Variants in TET2 observed in about 807,000 individuals in gnomAD.
TET2 encodes the protein tet methylcytosine dioxygenase 2.
Under a neutral mutation model 142.9 loss-of-function variants are expected in TET2, and 299 were observed. That is an observed-to-expected ratio of 2.09 (90% CI 1.90 to 2.30). The LOEUF is 2.30. Among genes scored for constraint, TET2 ranks in the 30% most tolerant of loss-of-function variants. The pLI is 0.00. For synonymous variants in TET2, 819 were observed against 849.0 expected, an observed-to-expected ratio of 0.96 and a Z score of 0.61; for missense variants, 2,418 against 2,378.0, an observed-to-expected ratio of 1.02 and a Z score of -0.35.
At chr4:105,160,334 A>T (rs1041050658) in intron 1 of TET2, among the ~76,000 whole-genome samples, 17 of 151,088 alleles carry the variant, frequency 1.1e-4, no homozygotes, top group Non-Finnish European at 1.8e-4. Context: ...AAGTTGAAAT[A>T]AAAAAAAAGG....
Position 105,236,149 on chromosome 4 carries a change from C to T in TET2, c.2207C>T (p.Ser736Leu). The change falls in exon 3 of 11, where the codon TCA (serine) becomes TTA (leucine). Residue 736 changes from serine (S) to leucine (L), a missense_variant. Ser to Leu is a moderately radical substitution (Grantham distance 145, BLOSUM62 -2). Transcript: ENST00000380013. ...GCACAAACACAACCATCCCAGAGTT[C>T]ACATCTCCCTCAAAACCAGCAACAG... ...QAAQTQPSQS[S>L]HLPQNQQQQQ... The T allele has an allele frequency of 8.1e-6, 13 of 1,614,084 alleles. No homozygotes were observed. Among genetic ancestry groups the T allele is most frequent in the Non-Finnish European group, 1.0e-5 (12 of 1,179,994 alleles).
chr4:105,147,464 GT>G (rs912001515), intron 1 of TET2: 20 of 152,390 alleles, frequency 1.3e-4, no homozygotes, highest in African/African-American at 4.8e-4. Context: ...TTTATCAGCT[GT>G]AGGGTCTGGG....
chr4:105,278,203 T>TATATATATATAGA lies in TET2; in HGVS notation c.*1684_*1685insATATATATATAGA, dbSNP rs1553918861. ...ATATATATATATATATATATATATA[T>TATATATATATAGA]GAGTTTGAAGCAGAATTCACATCAT... On this transcript the variant is annotated 3_prime_UTR_variant, in exon 11 of 11. Coordinates refer to ENST00000380013, the MANE Select transcript of TET2 (RefSeq NM_001127208.3). 2.5e-5 allele frequency: 4 copies of TATATATATATAGA among 159,030 alleles called. No homozygotes were observed. The highest frequency in any genetic ancestry group is 1.4e-4 in the Admixed American group (2 of 14,232). The allele number at this position is 159,030 out of a possible 1,614,324, so 9.9% of individuals were successfully genotyped here.
Position 105,234,951 on chromosome 4 carries a change from G to GTT in TET2, c.1009_1010insTT (p.Glu337ValfsTer11). ...TTTTGAGATATGCCCATCTCCTGCA[G>GTT]AAAATAACATCCAGGGAACCACAAA... On this transcript the variant is annotated frameshift_variant, in exon 3 of 11. Transcript: ENST00000380013. LOFTEE classifies it high-confidence loss of function. 1 of 1,614,004 alleles carries GTT rather than the reference G, an allele frequency of 6.2e-7. No homozygotes were observed. Among genetic ancestry groups the GTT allele is most frequent in the Non-Finnish European group, 8.5e-7 (1 of 1,179,988 alleles).
intron 3 of TET2, chr4:105,240,702 C>A: frequency 9.3e-7 from 1 of 1,080,446 alleles, no homozygotes. Context: ...CCACCCCTAT[C>A]TTCCCACTTT....
chr4:105,183,644 G>T (rs568323283), intron 1 of TET2, among the ~76,000 whole-genome samples: 13 of 152,192 alleles, frequency 8.5e-5, no homozygotes, highest in Non-Finnish European at 1.5e-4. Flanking sequence ...TTTATACTTT[G>T]TTATCTCTTC....
In TET2 at chr4:105,269,739, A is replaced by G; in HGVS notation, c.4174A>G (p.Ser1392Gly). The G allele has an allele frequency of 1.9e-6, 3 of 1,551,662 alleles. No individual in the cohort carries two copies. Among genetic ancestry groups the G allele is most frequent in the Non-Finnish European group, 2.6e-6 (3 of 1,146,936 alleles). The change falls in exon 9 of 11, where the codon AGC becomes GGC. Residue 1392 changes from serine (S) to glycine (G), a missense_variant. Coordinates refer to ENST00000380013, the MANE Select transcript of TET2 (RefSeq NM_001127208.3). Reference sequence around the variant, plus strand: ...AGACTTGCACAACATGCAGAATGGCAGCACATTGGTAAGTTGGGCTGAGGA... The same window carrying G: ...AGACTTGCACAACATGCAGAATGGCGGCACATTGGTAAGTTGGGCTGAGGA... ...HRDLHNMQNG[S>G]TLVCTLTRED...
At position 105,231,155 on chromosome 4, in the gene TET2, T is replaced by G. The variant is rs1480359180; in HGVS notation, c.-46-2742T>G. Reference sequence around the variant, plus strand: ...TTTGTTGCTTTTAAATATCTTTTAATTTGGCTACTAGGCCCCATACAATTC... The same window carrying G: ...TTTGTTGCTTTTAAATATCTTTTAAGTTGGCTACTAGGCCCCATACAATTC... On this transcript the variant is annotated intron_variant, in intron 2 of 10. Coordinates refer to ENST00000380013, the MANE Select transcript of TET2 (RefSeq NM_001127208.3). Among the ~76,000 whole-genome samples the G allele has an allele frequency of 5.3e-5, 8 of 152,282 alleles. No homozygotes were observed. The East Asian group carries it at 1.5e-3, about 29-fold the overall frequency.
At chr4:105,246,939 C>T (rs1274951372) in intron 6 of TET2, among the ~76,000 whole-genome samples, 2 of 152,144 alleles carry the variant, frequency 1.3e-5, no homozygotes, top group Non-Finnish European at 2.9e-5. Flanking sequence ...TTGAGATTTC[C>T]ATTTTATGAC....
rs1553914848 is a variant in TET2 at position 105,239,067 on chromosome 4, G to GTTCTTTGT, written c.3409+1718_3409+1719insCTTTGTTT. The GTTCTTTGT allele has an allele frequency of 9.7e-3, 899 of 92,704 alleles. 9 individuals are homozygous for GTTCTTTGT. Among genetic ancestry groups the GTTCTTTGT allele is most frequent in the South Asian group, 7.1e-3 (17 of 2,384 alleles). The allele number at this position is 92,704 out of a possible 1,614,324, so 5.7% of individuals were successfully genotyped here. On this transcript the variant is annotated intron_variant, in intron 3 of 10. Coordinates refer to ENST00000380013, the MANE Select transcript of TET2 (RefSeq NM_001127208.3). Reference sequence around the variant, plus strand: ...TATTTTGAAAGGAGGTTTTGGTTTTGTTTTTTGTTTTTTTTTTTTGTTTTT... The same window carrying GTTCTTTGT: ...TATTTTGAAAGGAGGTTTTGGTTTTGTTCTTTGTTTTTTTGTTTTTTTTTTTTGTTTTT...
intron 2 of TET2, among the ~76,000 whole-genome samples, chr4:105,209,981 C>G (rs1727064721): frequency 6.6e-6 from 1 of 152,092 alleles, no homozygotes; most frequent in Non-Finnish European, 1.5e-5. Context: ...ACAATAAGAA[C>G]ATAGAACCGA....
chr4:105,232,389 G>A (rs1313260668), intron 2 of TET2, among the ~76,000 whole-genome samples: 1 of 152,146 alleles, frequency 6.6e-6, no homozygotes, highest in African/African-American at 2.4e-5. Flanking sequence ...GCCGAATAAT[G>A]GGATTGCTCG....
chr4:105,268,842 G>A (rs371554148), intron 8 of TET2, among the ~76,000 whole-genome samples: 100 of 152,168 alleles, frequency 6.6e-4, no homozygotes, highest in African/African-American at 1.4e-3. Context: ...GCATGGTGGC[G>A]CGTGCTTATA....
chr4:105,235,917 C>G lies in TET2; in HGVS notation c.1975C>G (p.Gln659Glu), dbSNP rs1031359466. ...TCTCCAGTTCCAAAAACCCTCACAC[C>G]AGGTGCACTTCTCCAAAACAGACCA... ...QHLQFQKPSHQVHFSKTDHLP... is the reference protein window; with the variant it reads ...QHLQFQKPSHEVHFSKTDHLP... Residue 659 changes from glutamine to glutamate, a missense_variant, in exon 3 of 11, where the codon CAG (glutamine) becomes GAG (glutamate). Gln to Glu is a conservative substitution (Grantham distance 29). Transcript: ENST00000380013. 10 of 1,614,116 alleles carry G rather than the reference C, an allele frequency of 6.2e-6. No homozygotes were observed. The highest frequency in any genetic ancestry group is 5.9e-6 in the Non-Finnish European group (7 of 1,180,020).
intron 1 of TET2, chr4:105,172,626 AC>A (rs1724539220): frequency 6.6e-6 from 1 of 152,086 alleles, no homozygotes. Flanking sequence ...TTTGTAAGTG[AC>A]CTTGTTAATT....
intron 10 of TET2, among the ~76,000 whole-genome samples, chr4:105,273,141 G>A (rs1455729847): frequency 6.6e-6 from 1 of 152,088 alleles, no homozygotes; most frequent in Non-Finnish European, 1.5e-5. Flanking sequence ...CCTACCAATA[G>A]GCGCCAGTGT....
At position 105,276,838 on chromosome 4, in the gene TET2, T is replaced by TCTCCCC. The variant is rs1553918708; in HGVS notation, c.*320_*321insTCCCCC. The TCTCCCC allele has an allele frequency of 6.9e-6, 1 of 144,462 alleles. No individual in the cohort carries two copies. Among genetic ancestry groups the TCTCCCC allele is most frequent in the African/African-American group, 4.1e-5 (1 of 24,658 alleles). 8.9% of individuals were successfully genotyped at this position (144,462 alleles called of 1,614,324 possible). On this transcript the variant is annotated 3_prime_UTR_variant, in exon 11 of 11. Coordinates refer to ENST00000380013, the MANE Select transcript of TET2 (RefSeq NM_001127208.3). ...TGGACGAGATGATATGTAAATGTGA[T>TCTCCCC]CCCCCCCCCCCGCTTACAACTCTAC...
rs1731178120 is a variant in TET2 at position 105,275,659 on chromosome 4, C to G, written c.5149C>G (p.His1717Asp). ...SSCTIRPNVH[H>D]VGKLPPYPTH... ...TTGTACCATTAGACCAAATGTACAT[C>G]ATGTAGGGAAATTGCCTCCTTATCC... Residue 1717 changes from histidine to aspartate, a missense_variant, in exon 11 of 11, where the codon CAT (histidine) becomes GAT (aspartate). His to Asp is a moderately conservative substitution (Grantham distance 81). Coordinates refer to ENST00000380013, the MANE Select transcript of TET2 (RefSeq NM_001127208.3). 1 of 1,551,822 alleles carries G rather than the reference C, an allele frequency of 6.4e-7. No individual in the cohort carries two copies. Among genetic ancestry groups the G allele is most frequent in the Admixed American group, 2.0e-5 (1 of 50,984 alleles).
intron 2 of TET2, among the ~76,000 whole-genome samples, chr4:105,224,784 A>G (rs1394985521): frequency 6.7e-6 from 1 of 149,104 alleles, no homozygotes; most frequent in African/African-American, 2.5e-5. Context: ...TTGAGTGGCC[A>G]TATAATTGTT....
Sources: allele counts gnomAD v4.1 joint callset (sites outside exome capture counted in the v4.1 genomes callset), GRCh38; gene constraint gnomAD v4.1.1; transcripts MANE v1.5; gene names NCBI Gene and HGNC (gene_info 2026-07-23, HGNC 2026-07-21).